The following ASTN2 variants were observed in gnomAD, a reference collection of about 807,000 sequenced individuals.
ASTN2 encodes the protein astrotactin 2.
A neutral mutation model predicts 139.8 loss-of-function variants in ASTN2; 54 were observed. The ratio of observed to expected loss-of-function variants is 0.39; its 90% CI spans 0.31 to 0.48. ASTN2 has a LOEUF of 0.48. Among genes scored for constraint, ASTN2 ranks in the 20% least tolerant of loss-of-function variants. The pLI is 0.95. For missense variants in ASTN2, 1,565 were observed against 1,725.1 expected (o/e 0.91, Z 1.64); for synonymous variants, 756 against 719.5 (o/e 1.05, Z -0.81).
At chr9:117,305,923 A>G (rs1046196117) in intron 1 of ASTN2, among the ~76,000 whole-genome samples, 6 of 152,164 alleles carry the variant, frequency 3.9e-5, no homozygotes, top group Non-Finnish European at 8.8e-5. Flanking sequence ...TGCTACTACT[A>G]TCTCCTCTGC....
chr9:116,543,004 CAT>C (rs10618486), intron 19 of ASTN2, among the ~76,000 whole-genome samples: 11 of 148,174 alleles, frequency 7.4e-5, no homozygotes, highest in African/African-American at 2.9e-4. Flanking sequence ...AAAAAAAAAT[CAT>C]ATAGTATCTT....
intron 1 of ASTN2, among the ~76,000 whole-genome samples, chr9:117,363,775 G>T (rs183871311): frequency 1.3e-5 from 2 of 152,254 alleles, no homozygotes; most frequent in Non-Finnish European, 2.9e-5. Flanking sequence ...AGGTGGGACA[G>T]GTAAGTTGAA....
At chr9:116,607,192 G>A (rs1048424871) in intron 19 of ASTN2, among the ~76,000 whole-genome samples, 4 of 152,184 alleles carry the variant, frequency 2.6e-5, no homozygotes. Flanking sequence ...AGGAGTTAAT[G>A]CAGAGTCGAA....
At chr9:116,527,991 G>A (rs1851167877) in intron 19 of ASTN2, among the ~76,000 whole-genome samples, 1 of 152,108 alleles carries the variant, frequency 6.6e-6, no homozygotes, top group Non-Finnish European at 1.5e-5. Flanking sequence ...CTTTATAGCA[G>A]TGTGAAAACA....
intron 3 of ASTN2, among the ~76,000 whole-genome samples, chr9:117,156,970 C>T (rs1830446294): frequency 6.6e-6 from 1 of 152,026 alleles, no homozygotes; most frequent in African/African-American, 2.4e-5. Flanking sequence ...CATTTATTCA[C>T]TCCTCCAGCA....
chr9:116,504,895 C>CAA (rs386416022), intron 19 of ASTN2, among the ~76,000 whole-genome samples: 28,767 of 91,388 alleles, frequency 0.31, 4,453 homozygotes, highest in South Asian at 0.45. Flanking sequence ...AATCCTGTCT[C>CAA]AAAAAAAAAA....
chr9:117,280,532 G>C (rs112992631), intron 2 of ASTN2, among the ~76,000 whole-genome samples: 1 of 152,052 alleles, frequency 6.6e-6, no homozygotes, highest in Non-Finnish European at 1.5e-5. Flanking sequence ...GTATGGAGGC[G>C]GACGTAGAAA....
chr9:116,763,084 A>T (rs947384026), intron 13 of ASTN2, among the ~76,000 whole-genome samples: 1 of 152,112 alleles, frequency 6.6e-6, no homozygotes, highest in Non-Finnish European at 1.5e-5. Flanking sequence ...TAAGAGGCAA[A>T]TTTTCCTCCT....
chr9:116,452,899 T>G (rs1848217086), intron 20 of ASTN2, among the ~76,000 whole-genome samples: 1 of 152,196 alleles, frequency 6.6e-6, no homozygotes. Flanking sequence ...CTTTCAACAC[T>G]GACATCACTT....
intron 10 of ASTN2, among the ~76,000 whole-genome samples, chr9:116,940,597 C>T (rs1835197800): frequency 2.0e-5 from 3 of 152,150 alleles, no homozygotes; most frequent in Non-Finnish European, 4.4e-5. Flanking sequence ...CCCTCATGTA[C>T]ACCCATATGT....
intron 12 of ASTN2, among the ~76,000 whole-genome samples, chr9:116,816,474 T>C (rs1003084675): frequency 6.6e-6 from 1 of 152,212 alleles, no homozygotes. Context: ...AGAAGAACTC[T>C]ACTCAATGAT....
rs762004568 is a variant in ASTN2, at chr9:117,414,573, A to G, written c.366T>C (p.Phe122=). ...GTAAESRLLL[F]VRNELPGRIA... ...TGCGCCCCGGCAGCTCGTTACGCACAAAGAGCAGGAGGCGCGACTCGGCGG... is the reference window on the plus strand; with the variant it reads ...TGCGCCCCGGCAGCTCGTTACGCACGAAGAGCAGGAGGCGCGACTCGGCGG... The change falls in exon 1 of 23, where the codon TTT becomes TTC. Residue 122 remains phenylalanine, a synonymous_variant. Coordinates refer to ENST00000313400, the MANE Select transcript of ASTN2 (RefSeq NM_001365068.1). The surrounding 1 kb of genome is among the most constrained non-coding windows in gnomAD (Gnocchi z 4.2). 2 of 1,599,692 alleles carry G rather than the reference A, an allele frequency of 1.3e-6. No homozygotes were observed. The highest frequency in any genetic ancestry group is 3.4e-5 in the Admixed American group (2 of 59,304).
chr9:117,308,803 T>A (rs976094643), intron 1 of ASTN2, among the ~76,000 whole-genome samples: 1 of 152,078 alleles, frequency 6.6e-6, no homozygotes, highest in Non-Finnish European at 1.5e-5. Flanking sequence ...CTGAGCCCCT[T>A]CTCTGTGCTG....
intron 19 of ASTN2, among the ~76,000 whole-genome samples, chr9:116,535,986 G>A (rs1330343081): frequency 6.6e-6 from 1 of 152,124 alleles, no homozygotes; most frequent in South Asian, 2.1e-4. Flanking sequence ...GTCACTTTCA[G>A]GTACACCAAT....
chr9:116,681,899 T>G (rs1859896278), intron 16 of ASTN2, among the ~76,000 whole-genome samples: 1 of 150,598 alleles, frequency 6.6e-6, no homozygotes, highest in African/African-American at 2.4e-5. Context: ...GACTTAAACG[T>G]TAGACCTAAA....
intron 10 of ASTN2, among the ~76,000 whole-genome samples, chr9:116,902,027 A>G (rs1834022661): frequency 6.6e-6 from 1 of 152,124 alleles, no homozygotes; most frequent in South Asian, 2.1e-4. Context: ...TCTTGTTTCA[A>G]ATAAATAAAT....
intron 19 of ASTN2, among the ~76,000 whole-genome samples, chr9:116,616,825 CACAG>C (rs56822032): frequency 0.025 from 3,748 of 152,108 alleles, 145 homozygotes; most frequent in African/African-American, 0.086. Context: ...CCCACCCATT[CACAG>C]ACAGTGGTAA....
intron 1 of ASTN2, among the ~76,000 whole-genome samples, chr9:117,374,268 C>T (rs1418625848): frequency 6.6e-6 from 1 of 151,112 alleles, no homozygotes; most frequent in Non-Finnish European, 1.5e-5. Flanking sequence ...GCTGGCAGGA[C>T]CCATGTCTTG....
chr9:116,961,505 A>G (rs1045381104), intron 10 of ASTN2, among the ~76,000 whole-genome samples: 1 of 152,212 alleles, frequency 6.6e-6, no homozygotes, highest in East Asian at 1.9e-4. Context: ...TTCCCTTAGC[A>G]TAGTGTCCTC....
Sources: allele counts gnomAD v4.1 joint callset (sites outside exome capture counted in the v4.1 genomes callset), GRCh38; gene constraint gnomAD v4.1.1; non-coding constraint Gnocchi (gnomAD v3.1); transcripts MANE v1.5; gene names NCBI Gene and HGNC (gene_info 2026-07-23, HGNC 2026-07-21).